Variants in CHRM3 observed in about 807,000 individuals in gnomAD.
The protein encoded by CHRM3 is muscarinic acetylcholine receptor M3.
Under a neutral mutation model 41.8 loss-of-function variants are expected in CHRM3, and 11 were observed. The ratio of observed to expected loss-of-function variants is 0.26; its 90% CI spans 0.17 to 0.44. CHRM3 has a LOEUF of 0.44. CHRM3 is among the 20% of genes least tolerant of loss of function. The pLI is 1.00. For missense variants in CHRM3, 571 were observed against 745.4 expected, an observed-to-expected ratio of 0.77 and a Z score of 2.72; for synonymous variants, 297 against 301.4, an observed-to-expected ratio of 0.99 and a Z score of 0.15.
intron 1 of CHRM3, among the ~76,000 whole-genome samples, chr1:239,417,228 G>T (rs1318875202): frequency 6.6e-6 from 1 of 152,194 alleles, no homozygotes; most frequent in Non-Finnish European, 1.5e-5. Flanking sequence ...AAGGAAAAAT[G>T]TGTGAATGGA....
At chr1:239,668,704 C>T (rs1463241958) in intron 4 of CHRM3, among the ~76,000 whole-genome samples, 2 of 152,198 alleles carry the variant, frequency 1.3e-5, no homozygotes, top group African/African-American at 2.4e-5. Context: ...AAATAACTCT[C>T]AACTCATCCA....
intron 3 of CHRM3, among the ~76,000 whole-genome samples, chr1:239,601,318 G>T (rs929259065): frequency 2.6e-5 from 4 of 152,130 alleles, no homozygotes; most frequent in African/African-American, 4.8e-5. Flanking sequence ...GTTGTTTCCT[G>T]ATCCATAAAA....
At chr1:239,860,889 C>G (rs1675580191) in intron 6 of CHRM3, among the ~76,000 whole-genome samples, 1 of 152,126 alleles carries the variant, frequency 6.6e-6, no homozygotes, top group Non-Finnish European at 1.5e-5. Flanking sequence ...TTTAAATACC[C>G]TTTAATCCCT....
intron 4 of CHRM3, among the ~76,000 whole-genome samples, chr1:239,662,157 A>G (rs924303654): frequency 1.4e-5 from 2 of 147,696 alleles, no homozygotes; most frequent in South Asian, 4.3e-4. Context: ...CTTACTGTGG[A>G]TAAGAGGTTA....
intron 6 of CHRM3, among the ~76,000 whole-genome samples, chr1:239,884,006 C>T (rs1247299595): frequency 6.6e-6 from 1 of 152,196 alleles, no homozygotes; most frequent in African/African-American, 2.4e-5. Flanking sequence ...CAAACACCCA[C>T]ACACATCAGC....
At chr1:239,716,144 G>A (rs1176440595) in intron 5 of CHRM3, among the ~76,000 whole-genome samples, 1 of 152,100 alleles carries the variant, frequency 6.6e-6, no homozygotes, top group Non-Finnish European at 1.5e-5. Flanking sequence ...GAAGTGATAG[G>A]CTATGATGTC....
intron 3 of CHRM3, among the ~76,000 whole-genome samples, chr1:239,597,842 A>G (rs2148669445): frequency 6.8e-6 from 1 of 146,300 alleles, no homozygotes; most frequent in Non-Finnish European, 1.5e-5. Context: ...GGTGGTCAAA[A>G]AAAAAAACTG....
intron 3 of CHRM3, among the ~76,000 whole-genome samples, chr1:239,609,778 A>G (rs1666779007): frequency 1.3e-5 from 2 of 152,124 alleles, no homozygotes; most frequent in Non-Finnish European, 2.9e-5. Flanking sequence ...TAGCATCTGT[A>G]TATGTTCTTT....
At chr1:239,573,705 G>C (rs1252671879) in intron 3 of CHRM3, among the ~76,000 whole-genome samples, 3 of 151,926 alleles carry the variant, frequency 2.0e-5, no homozygotes, top group African/African-American at 7.3e-5. Context: ...CAGGTCCCAG[G>C]GCAGATCTCT....
intron 1 of CHRM3, among the ~76,000 whole-genome samples, chr1:239,479,563 T>C (rs959951405): frequency 2.6e-5 from 4 of 152,150 alleles, no homozygotes; most frequent in Non-Finnish European, 5.9e-5. Flanking sequence ...GATTTTATTA[T>C]TAGGTGAACA....
intron 6 of CHRM3, among the ~76,000 whole-genome samples, chr1:239,867,148 T>C (rs986836786): frequency 6.6e-6 from 1 of 152,148 alleles, no homozygotes; most frequent in Non-Finnish European, 1.5e-5. Flanking sequence ...CAGACATCCA[T>C]AATCTGGAGA....
chr1:239,729,607 T>G (rs988614330), intron 5 of CHRM3, among the ~76,000 whole-genome samples: 7 of 151,978 alleles, frequency 4.6e-5, no homozygotes, highest in African/African-American at 1.7e-4. Flanking sequence ...CTGGACAACT[T>G]CATAATAGTT....
intron 3 of CHRM3, among the ~76,000 whole-genome samples, chr1:239,577,173 C>A (rs988115955): frequency 6.6e-6 from 1 of 152,064 alleles, no homozygotes; most frequent in African/African-American, 2.4e-5. Context: ...CTTGTGTTGT[C>A]TACTATTTTC....
chr1:239,762,388 A>T (rs1558522280), intron 5 of CHRM3, among the ~76,000 whole-genome samples: 1 of 152,192 alleles, frequency 6.6e-6, no homozygotes, highest in Non-Finnish European at 1.5e-5. Context: ...TTGAGAGAAG[A>T]TTTTATGACA....
rs574732975 is a variant in CHRM3 at position 239,410,413 on chromosome 1, G to A, written c.-521+23186G>A. Among the ~76,000 whole-genome samples, 50 of 152,164 alleles carry A rather than the reference G, an allele frequency of 3.3e-4. 1 individual carries two copies. In the South Asian group the frequency reaches 9.8e-3, roughly 30 times the overall value. ...TGTGTGTCTTTTTTAGAATGTGGCC[G>A]CCTAGAGAGTCAGAAACCATTGCAA... On this transcript the variant is annotated intron_variant, in intron 1 of 6. Coordinates refer to ENST00000676153, the MANE Select transcript of CHRM3 (RefSeq NM_001375978.1).
chr1:239,870,222 A>G (rs544686041), intron 6 of CHRM3, among the ~76,000 whole-genome samples: 2 of 152,186 alleles, frequency 1.3e-5, no homozygotes, highest in Non-Finnish European at 2.9e-5. Flanking sequence ...AAACAGAGCA[A>G]GTCACATCTC....
At chr1:239,526,041 A>AT (rs1669973717) in intron 2 of CHRM3, among the ~76,000 whole-genome samples, 3 of 152,208 alleles carry the variant, frequency 2.0e-5, no homozygotes, top group Admixed American at 1.3e-4. Flanking sequence ...ATGGAGTCTC[A>AT]GCTGGGTGTG....
At chr1:239,637,239 G>A (rs1207021760) in intron 4 of CHRM3, among the ~76,000 whole-genome samples, 1 of 151,936 alleles carries the variant, frequency 6.6e-6, no homozygotes, top group African/African-American at 2.4e-5. Context: ...GCTCTAACAT[G>A]TTACTACATC....
chr1:239,651,857 C>A (rs1196169761), intron 4 of CHRM3, among the ~76,000 whole-genome samples: 1 of 152,158 alleles, frequency 6.6e-6, no homozygotes, highest in Non-Finnish European at 1.5e-5. Flanking sequence ...CAGCACCCCC[C>A]CACACCCCTG....
Sources: gnomAD v4.1 joint callset for allele counts (sites outside exome capture counted in the v4.1 genomes callset) on GRCh38, gnomAD v4.1.1 for gene constraint, MANE v1.5 for transcripts, NCBI Gene and HGNC (gene_info 2026-07-23, HGNC 2026-07-21) for gene names.